The following NXPH2 variants were observed in gnomAD, a reference collection of about 807,000 sequenced individuals.
The protein encoded by NXPH2 is neurexophilin-2.
A neutral mutation model predicts 19.8 loss-of-function variants in NXPH2; 5 were observed. The ratio of observed to expected loss-of-function variants is 0.25; its 90% CI spans 0.13 to 0.53. NXPH2 has a LOEUF of 0.53. Among genes scored for constraint, NXPH2 ranks in the 20% least tolerant of loss-of-function variants. The pLI is 0.96. For missense variants in NXPH2, 289 were observed against 322.8 expected (o/e 0.90, Z 0.80); for synonymous variants, 154 against 127.4 (o/e 1.21, Z -1.41).
intron 1 of NXPH2, among the ~76,000 whole-genome samples, chr2:138,713,345 C>A (rs1263540969): frequency 3.9e-5 from 6 of 152,088 alleles, no homozygotes; most frequent in Non-Finnish European, 7.3e-5. Flanking sequence ...GACCTTTGTA[C>A]GTTGGGAGTG....
chr2:138,727,156 A>G (rs1681372342), intron 1 of NXPH2, among the ~76,000 whole-genome samples: 1 of 152,192 alleles, frequency 6.6e-6, no homozygotes, highest in East Asian at 1.9e-4. Context: ...GTCTGGATGT[A>G]CCACAGTTTA....
At position 138,753,666 on chromosome 2, in the gene NXPH2, A is replaced by G. The variant is rs184059693; in HGVS notation, c.51+26525T>C. Among the ~76,000 whole-genome samples, 117 of 152,280 alleles carry G rather than the reference A, an allele frequency of 7.7e-4. 1 individual carries two copies. The South Asian group carries it at 0.018, about 24-fold the overall frequency. ...TGCATTAAACTAAAACTGAGTGTCT[A>G]CAGATGTCACCAACTCTAATTCATC... On this transcript the variant is annotated intron_variant, in intron 1 of 1. Coordinates refer to ENST00000272641, the MANE Select transcript of NXPH2 (RefSeq NM_007226.3).
intron 1 of NXPH2, among the ~76,000 whole-genome samples, chr2:138,713,643 C>T (rs144047517): frequency 3.3e-5 from 5 of 151,866 alleles, no homozygotes; most frequent in South Asian, 2.1e-4. Flanking sequence ...AATTGGTGTG[C>T]AAAATCTCTG....
At chr2:138,729,736 C>T (rs566133673) in intron 1 of NXPH2, among the ~76,000 whole-genome samples, 1 of 152,298 alleles carries the variant, frequency 6.6e-6, no homozygotes, top group South Asian at 2.1e-4. Flanking sequence ...CTTTTAGTTT[C>T]TCAAGCTGCC....
At chr2:138,717,608 C>T (rs1681213375) in intron 1 of NXPH2, among the ~76,000 whole-genome samples, 1 of 151,984 alleles carries the variant, frequency 6.6e-6, no homozygotes, top group African/African-American at 2.4e-5. Context: ...TTAATGCCAT[C>T]ACCTTGGGAG....
chr2:138,769,043 T>C (rs1044802900), intron 1 of NXPH2, among the ~76,000 whole-genome samples: 1 of 152,190 alleles, frequency 6.6e-6, no homozygotes, highest in Non-Finnish European at 1.5e-5. Context: ...GAGATTTAAG[T>C]CTGGGAAAGC....
intron 1 of NXPH2, among the ~76,000 whole-genome samples, chr2:138,672,884 T>C (rs2104963794): frequency 6.6e-6 from 1 of 152,338 alleles, no homozygotes; most frequent in South Asian, 2.1e-4. Flanking sequence ...TGCATTTGAC[T>C]AGACGGTATA....
chr2:138,721,297 C>T (rs897426809), intron 1 of NXPH2, among the ~76,000 whole-genome samples: 1 of 151,332 alleles, frequency 6.6e-6, no homozygotes, highest in Non-Finnish European at 1.5e-5. Flanking sequence ...GCCGAGATTG[C>T]ACCACTGCAC....
chr2:138,766,017 C>T (rs191943229), intron 1 of NXPH2, among the ~76,000 whole-genome samples: 5 of 152,238 alleles, frequency 3.3e-5, no homozygotes, highest in East Asian at 1.9e-4. Flanking sequence ...TGACACAAAA[C>T]GAAATGTGTG....
intron 1 of NXPH2, among the ~76,000 whole-genome samples, chr2:138,777,544 T>TA (rs906819192): frequency 3.8e-4 from 57 of 151,896 alleles, no homozygotes; most frequent in African/African-American, 7.0e-4. Flanking sequence ...CATAAACAGG[T>TA]AAAAAAATTC....
intron 1 of NXPH2, among the ~76,000 whole-genome samples, chr2:138,703,584 C>G (rs1483459598): frequency 6.6e-6 from 1 of 152,160 alleles, no homozygotes; most frequent in Admixed American, 6.6e-5. Context: ...CAGGTTCTAA[C>G]CACACTGAGC....
chr2:138,713,323 G>A (rs1314392875), intron 1 of NXPH2, among the ~76,000 whole-genome samples: 3 of 152,100 alleles, frequency 2.0e-5, no homozygotes, highest in African/African-American at 7.2e-5. Flanking sequence ...TGACCCAAAC[G>A]GTCTGAAGAG....
intron 1 of NXPH2, among the ~76,000 whole-genome samples, chr2:138,703,617 T>C (rs1680965487): frequency 6.6e-6 from 1 of 152,236 alleles, no homozygotes; most frequent in African/African-American, 2.4e-5. Context: ...CAGCTTTTAC[T>C]GTTACTTCTT....
intron 1 of NXPH2, among the ~76,000 whole-genome samples, chr2:138,779,011 C>G (rs531111768): frequency 8.5e-5 from 13 of 152,342 alleles, no homozygotes; most frequent in African/African-American, 3.1e-4. Flanking sequence ...ACCCTCAGAA[C>G]TTGCAAAGTG....
chr2:138,704,790 G>A (rs1286206694), intron 1 of NXPH2, among the ~76,000 whole-genome samples: 1 of 151,626 alleles, frequency 6.6e-6, no homozygotes, highest in African/African-American at 2.4e-5. Context: ...TTAGGTAGCT[G>A]GGACTACATG....
intron 1 of NXPH2, among the ~76,000 whole-genome samples, chr2:138,727,371 T>C (rs909905468): frequency 3.9e-4 from 59 of 152,238 alleles, no homozygotes; most frequent in African/African-American, 1.4e-3. Flanking sequence ...ATTCCTATTG[T>C]TCAACATCCT....
intron 1 of NXPH2, among the ~76,000 whole-genome samples, chr2:138,736,352 G>T (rs1340573011): frequency 6.6e-6 from 1 of 152,172 alleles, no homozygotes; most frequent in Non-Finnish European, 1.5e-5. Context: ...CTCAATTCTT[G>T]ACTTCTGGGC....
At chr2:138,749,516 G>A (rs1344298872) in intron 1 of NXPH2, among the ~76,000 whole-genome samples, 1 of 152,020 alleles carries the variant, frequency 6.6e-6, no homozygotes, top group Non-Finnish European at 1.5e-5. Context: ...TGTACAAAAT[G>A]TTCAGTGTAA....
At chr2:138,777,477 C>T (rs989115967) in intron 1 of NXPH2, among the ~76,000 whole-genome samples, 2 of 151,996 alleles carry the variant, frequency 1.3e-5, no homozygotes, top group African/African-American at 2.4e-5. Context: ...TTCTTCCTAG[C>T]CTACTTGCAG....
Sources: allele counts gnomAD v4.1 joint callset (sites outside exome capture counted in the v4.1 genomes callset), GRCh38; gene constraint gnomAD v4.1.1; transcripts MANE v1.5; gene names NCBI Gene and HGNC (gene_info 2026-07-23, HGNC 2026-07-21).